The following RAB10 variants were observed in gnomAD, a reference collection of about 807,000 sequenced individuals.
The protein encoded by RAB10 is ras-related protein Rab-10.
Under a neutral mutation model 25.7 loss-of-function variants are expected in RAB10, and 5 were observed. The observed-to-expected ratio is 0.19, with a 90% CI of 0.10 to 0.41. RAB10 has a LOEUF of 0.41. RAB10 is among the 10% of genes least tolerant of loss of function. RAB10 has a pLI of 1.00. For missense variants in RAB10, 103 were observed against 245.8 expected (o/e 0.42, Z 3.89); for synonymous variants, 89 against 86.4 (o/e 1.03, Z -0.16).
chr2:26,123,792 C>G (rs1302292846), intron 3 of RAB10, among the ~76,000 whole-genome samples: 1 of 152,058 alleles, frequency 6.6e-6, no homozygotes, highest in East Asian at 1.9e-4. Flanking sequence ...GAAACTGAAG[C>G]AAATGATGAA....
chr2:26,069,130 A>G (rs749976104), intron 1 of RAB10, among the ~76,000 whole-genome samples: 1 of 152,180 alleles, frequency 6.6e-6, no homozygotes, highest in Non-Finnish European at 1.5e-5. Context: ...TTGAAATTTT[A>G]ATGCCCAAAA....
At chr2:26,048,593 A>G (rs545813316) in intron 1 of RAB10, among the ~76,000 whole-genome samples, 2 of 152,326 alleles carry the variant, frequency 1.3e-5, no homozygotes, top group East Asian at 3.9e-4. Flanking sequence ...TTGTACATTT[A>G]AAATTCTAGT....
At chr2:26,123,055 C>CT (rs1667838274) in intron 3 of RAB10, among the ~76,000 whole-genome samples, 1 of 152,108 alleles carries the variant, frequency 6.6e-6, no homozygotes, top group South Asian at 2.1e-4. Context: ...TTGCTAACCC[C>CT]CAAGACCTGA....
At chr2:26,107,857 A>C (rs1017609509) in intron 2 of RAB10, among the ~76,000 whole-genome samples, 3 of 152,126 alleles carry the variant, frequency 2.0e-5, no homozygotes, top group East Asian at 1.9e-4. Flanking sequence ...CAAAAAAAAA[A>C]ACCAGACATT....
intron 1 of RAB10, among the ~76,000 whole-genome samples, chr2:26,086,770 G>C (rs924721323): frequency 3.9e-5 from 6 of 152,192 alleles, no homozygotes; most frequent in African/African-American, 9.7e-5. Flanking sequence ...TATGGTGTAC[G>C]CATACAGTGG....
intron 1 of RAB10, among the ~76,000 whole-genome samples, chr2:26,087,560 G>T (rs1490617880): frequency 2.0e-5 from 3 of 152,028 alleles, no homozygotes; most frequent in Non-Finnish European, 2.9e-5. Flanking sequence ...CTGCCACCAT[G>T]CCCAGCTAAT....
chr2:26,053,610 C>T (rs1666180739), intron 1 of RAB10, among the ~76,000 whole-genome samples: 1 of 152,114 alleles, frequency 6.6e-6, no homozygotes, highest in Non-Finnish European at 1.5e-5. Flanking sequence ...GGTAAATATT[C>T]GTGCTTACAA....
chr2:26,111,462 G>T (rs1033493607), intron 3 of RAB10, among the ~76,000 whole-genome samples: 1 of 151,992 alleles, frequency 6.6e-6, no homozygotes, highest in Non-Finnish European at 1.5e-5. Context: ...AACTTAGCTG[G>T]GTGGGGTGGC....
intron 1 of RAB10, among the ~76,000 whole-genome samples, chr2:26,050,817 G>T (rs187824635): frequency 5.3e-5 from 8 of 151,932 alleles, no homozygotes; most frequent in Non-Finnish European, 8.8e-5. Context: ...TCTATACATG[G>T]GTCTCATTTT....
intron 2 of RAB10, among the ~76,000 whole-genome samples, chr2:26,100,169 A>G (rs758890934): frequency 2.6e-5 from 4 of 152,210 alleles, no homozygotes; most frequent in Non-Finnish European, 4.4e-5. Context: ...ATACACACAT[A>G]TGCCCAAGTC....
intron 1 of RAB10, among the ~76,000 whole-genome samples, chr2:26,040,137 A>G (rs1665853415): frequency 6.6e-6 from 1 of 152,138 alleles, no homozygotes; most frequent in Non-Finnish European, 1.5e-5. Flanking sequence ...GTTAAATGTT[A>G]TTAAGTGATG....
At chr2:26,071,001 C>G (rs1666613474) in intron 1 of RAB10, among the ~76,000 whole-genome samples, 1 of 152,132 alleles carries the variant, frequency 6.6e-6, no homozygotes, top group African/African-American at 2.4e-5. Context: ...TAGCATGAAT[C>G]AAGACAATGG....
chr2:26,034,143 G>T lies in RAB10; in HGVS notation c.-466G>T, dbSNP rs993920185. On this transcript the variant is annotated 5_prime_UTR_variant, in exon 1 of 6. Transcript: ENST00000264710. ...ACGGGGAAAAGGTGGCTCTGGCCGG[G>T]GTGGCTCGGTTTCCTGGGGCTATGT... 7.4e-6 allele frequency: 3 copies of T among 407,062 alleles called. No homozygotes were observed. The highest frequency in any genetic ancestry group is 1.3e-5 in the Non-Finnish European group (3 of 230,212). 25.2% of individuals were successfully genotyped at this position (407,062 alleles called of 1,614,324 possible).
chr2:26,071,654 A>C (rs558559014), intron 1 of RAB10, among the ~76,000 whole-genome samples: 1 of 150,178 alleles, frequency 6.7e-6, no homozygotes, highest in African/African-American at 2.5e-5. Context: ...CACCACTGCA[A>C]CTCCAGCCTG....
Sources: gnomAD v4.1 joint callset for allele counts (sites outside exome capture counted in the v4.1 genomes callset) on GRCh38, gnomAD v4.1.1 for gene constraint, MANE v1.5 for transcripts, NCBI Gene and HGNC (gene_info 2026-07-23, HGNC 2026-07-21) for gene names.